Variants in SLC25A39 observed in about 807,000 individuals in gnomAD.
SLC25A39 encodes the protein solute carrier family 25 member 39.
A neutral mutation model predicts 46.6 loss-of-function variants in SLC25A39; 44 were observed. The observed-to-expected ratio is 0.94, with a 90% CI of 0.74 to 1.21. The LOEUF is 1.21. SLC25A39 is among the 50% of genes most tolerant of loss of function. SLC25A39 has a pLI of 0.00. For synonymous variants in SLC25A39, 218 were observed against 190.6 expected, an observed-to-expected ratio of 1.14 and a Z score of -1.19; for missense variants, 487 against 473.0, an observed-to-expected ratio of 1.03 and a Z score of -0.28.
intron 7 of SLC25A39, 63 bp downstream of exon 7, chr17:44,321,371 G>C: frequency 6.2e-7 from 1 of 1,609,558 alleles, no homozygotes; most frequent in Non-Finnish European, 8.5e-7. Context: ...TGGGAGCTGG[G>C]ACTGACTGGG....
At chr17:44,321,309 G>C in intron 7 of SLC25A39, 78 bp from the exon 8 acceptor site, 12 of 1,580,064 alleles carry the variant, frequency 7.6e-6, no homozygotes, top group Non-Finnish European at 9.5e-6. Context: ...TGCTGTCCCA[G>C]GTCTGGGGAC....
At chr17:44,323,630 G>A (rs1254791552) in intron 1 of SLC25A39, 53 bp from the exon 2 acceptor site, 1 of 1,330,812 alleles carries the variant, frequency 7.5e-7, no homozygotes, top group East Asian at 2.5e-5. Flanking sequence ...AGGAAAGGAG[G>A]CTGGGCCACT....
At chr17:44,320,884 G>T in intron 8 of SLC25A39, 153 bp from the exon 9 acceptor site, 1 of 971,342 alleles carries the variant, frequency 1.0e-6, no homozygotes, top group Non-Finnish European at 1.5e-6. Flanking sequence ...TTAATCTCCT[G>T]ACCGCCTGGG....
intron 1 of SLC25A39, 185 bp from the exon 2 acceptor site, chr17:44,323,762 C>T: frequency 1.7e-6 from 1 of 587,090 alleles, no homozygotes; most frequent in Non-Finnish European, 3.0e-6. Context: ...TTGCTTCAGC[C>T]TCCCAAGTAG....
intron 5 of SLC25A39, 83 bp from the exon 6 acceptor site, chr17:44,321,850 C>T (rs1034931122): frequency 1.7e-4 from 246 of 1,415,458 alleles, no homozygotes; most frequent in Middle Eastern, 4.8e-4. Flanking sequence ...TAGGCCTTTG[C>T]CTGACGCCCT....
chr17:44,320,638 C>A lies in SLC25A39; in HGVS notation c.785G>T (p.Gly262Val). The change falls in exon 9 of 12, where the codon GGT (glycine) becomes GTT (valine). Residue 262 changes from glycine to valine, a missense_variant. Transcript: ENST00000377095. ...TCCACTCACCGTCCCTGAGATGCCA[C>A]CAGCCACAAAGCTCATGCCCACAGA... ...QTSVGMSFVA[G>V]GISGTVAAVL... is the part of the protein sequence containing the mutation. The A allele has an allele frequency of 6.2e-7, 1 of 1,614,090 alleles. No homozygotes were observed. Among genetic ancestry groups the A allele is most frequent in the Non-Finnish European group, 8.5e-7 (1 of 1,179,998 alleles).
Position 44,320,212 on chromosome 17 carries a change from G to C in SLC25A39, c.948C>G (p.Thr316=), listed in dbSNP as rs772250996. 9.3e-6 allele frequency: 15 copies of C among 1,613,844 alleles called. No individual in the cohort carries two copies. The highest frequency in any genetic ancestry group is 1.7e-5 in the Admixed American group (1 of 60,004). Residue 316 remains threonine (T), a synonymous_variant, in exon 11 of 12, where the codon ACC becomes ACG. Transcript: ENST00000377095. ...CACACTGACCTGCAAAGAGTCCCTT[G>C]GTGCCCGACTCGGCCCGGATCCTCC... is the stretch of plus-strand genomic sequence containing the variant. ...LLRRIRAESG[T]KGLFAGFLPR...
At chr17:44,323,439 A>AAACCCCCCCCCCCCCCCCC in intron 2 of SLC25A39, 39 bp downstream of exon 2, 5 of 257,082 alleles carry the variant, frequency 1.9e-5, no homozygotes, top group Non-Finnish European at 2.8e-5. Flanking sequence ...GGTCTGCCCC[A>AAACCCCCCCCCCCCCCCCC]TCCCCACCCG....
In SLC25A39 at chr17:44,319,801, AC is replaced by A. The variant is rs2047956848; in HGVS notation, c.*199del. On this transcript the variant is annotated 3_prime_UTR_variant, in exon 12 of 12. Coordinates refer to ENST00000377095, the MANE Select transcript of SLC25A39 (RefSeq NM_001143780.3). ...GGGGGGTGGGTAAGTGATGATCCCC[AC>A]GACTGGAGCAGCAGGAAGAAGTTGT... 2 of 577,220 alleles carry A rather than the reference AC, an allele frequency of 3.5e-6. No homozygotes were observed. The highest frequency in any genetic ancestry group is 3.0e-5 in the Admixed American group (1 of 33,110). 35.8% of individuals were successfully genotyped at this position (577,220 alleles called of 1,614,324 possible).
chr17:44,320,491 A>G (rs1338506155), intron 9 of SLC25A39, 55 bp from the exon 10 acceptor site: 14 of 1,602,858 alleles, frequency 8.7e-6, no homozygotes, highest in Non-Finnish European at 1.2e-5. Context: ...CCCCACCCCT[A>G]CCTCCCAGAT....
chr17:44,322,380 G>A (rs374361512), intron 5 of SLC25A39, 39 bp downstream of exon 5: 16 of 1,612,474 alleles, frequency 9.9e-6, no homozygotes, highest in African/African-American at 8.0e-5. Context: ...AACTCCTCAC[G>A]GACACCGACG....
At chr17:44,323,446 C>CG in intron 2 of SLC25A39, 32 bp downstream of exon 2, 1 of 1,304,944 alleles carries the variant, frequency 7.7e-7, no homozygotes, top group Non-Finnish European at 1.1e-6. Context: ...CCCATCCCCA[C>CG]CCGCCCCCAC....
At chr17:44,323,856 G>A (rs1004762385) in intron 1 of SLC25A39, 1 of 390,112 alleles carries the variant, frequency 2.6e-6, no homozygotes, top group Non-Finnish European at 4.7e-6. Context: ...TGGCCAAGAT[G>A]ATCTCGATCT....
rs756462816 is a variant in SLC25A39, at chr17:44,320,485, A to C, written c.802-49T>G. 5 of 1,605,070 alleles carry C rather than the reference A, an allele frequency of 3.1e-6. No individual in the cohort carries two copies. In the African/African-American group the frequency reaches 5.4e-5, roughly 17 times the overall value. On this transcript the variant is annotated intron_variant, in intron 9 of 11. Transcript: ENST00000377095. Reference sequence around the variant, plus strand: ...GCTCAGCTCCACTTCCTGGACCCCCACCCCTACCTCCCAGATGGCTCTTGC... The same window carrying C: ...GCTCAGCTCCACTTCCTGGACCCCCCCCCCTACCTCCCAGATGGCTCTTGC...
At chr17:44,322,087 A>G (rs2048060757) in intron 5 of SLC25A39, among the ~76,000 whole-genome samples, 1 of 152,192 alleles carries the variant, frequency 6.6e-6, no homozygotes, top group South Asian at 2.1e-4. Context: ...TGTCTCTACT[A>G]AAAATACAAA....
rs1379283821 is a variant in SLC25A39, at chr17:44,324,802, G to T, written c.-107C>A. 6.6e-6 allele frequency: 1 copy of T among 152,026 alleles called. No homozygotes were observed. Among genetic ancestry groups the T allele is most frequent in the Non-Finnish European group, 1.5e-5 (1 of 68,012 alleles). 9.4% of individuals were successfully genotyped at this position (152,026 alleles called of 1,614,324 possible). A position where few individuals can be genotyped will look rare whatever the true frequency, so the allele number is the denominator to read the frequency against. On this transcript the variant is annotated 5_prime_UTR_variant, in exon 1 of 12. Coordinates refer to ENST00000377095, the MANE Select transcript of SLC25A39 (RefSeq NM_001143780.3). ...GCCTGTGCGCGGTCCGCGCGCGCTCGCAGCGCACCTAGGCCGACGCCGAAA... is the reference window on the plus strand; with the variant it reads ...GCCTGTGCGCGGTCCGCGCGCGCTCTCAGCGCACCTAGGCCGACGCCGAAA...
At position 44,320,019 on chromosome 17, in the gene SLC25A39, G is replaced by C. The variant is rs1227710752; in HGVS notation, c.1062C>G (p.Asp354Glu). ...GCCCCTTTCAGCCGCCCAGAAGCCGGTCCTGGTTCAGCCTCTGGAAGAAGC... is the reference window on the plus strand; with the variant it reads ...GCCCCTTTCAGCCGCCCAGAAGCCGCTCCTGGTTCAGCCTCTGGAAGAAGC... ...GKSFFQRLNQDRLLGG is the reference protein window; with the variant it reads ...GKSFFQRLNQERLLGG The change falls in exon 12 of 12, where the codon GAC becomes GAG. Residue 354 changes from aspartate (D) to glutamate (E), a missense_variant. Coordinates refer to ENST00000377095, the MANE Select transcript of SLC25A39 (RefSeq NM_001143780.3). The C allele has an allele frequency of 4.3e-6, 7 of 1,613,980 alleles. No individual in the cohort carries two copies. Among genetic ancestry groups the C allele is most frequent in the East Asian group, 4.5e-5 (2 of 44,874 alleles).
intron 2 of SLC25A39, 39 bp downstream of exon 2, chr17:44,323,439 A>AAGCCCCCCCCCCCCCCCCCCCCCC: frequency 1.6e-5 from 4 of 257,096 alleles, no homozygotes; most frequent in Non-Finnish European, 1.7e-5. Flanking sequence ...GGTCTGCCCC[A>AAGCCCCCCCCCCCCCCCCCCCCCC]TCCCCACCCG....
chr17:44,323,851 A>G, intron 1 of SLC25A39: 2 of 412,866 alleles, frequency 4.8e-6, no homozygotes, highest in Non-Finnish European at 4.4e-6. Context: ...CATGTTGGCC[A>G]AGATGATCTC....
Sources: allele counts gnomAD v4.1 joint callset (sites outside exome capture counted in the v4.1 genomes callset), GRCh38; gene constraint gnomAD v4.1.1; transcripts MANE v1.5; gene names NCBI Gene and HGNC (gene_info 2026-07-23, HGNC 2026-07-21).